The following SPARCL1 variants were observed in gnomAD, a reference collection of about 807,000 sequenced individuals.
The protein encoded by SPARCL1 is SPARC-like protein 1.
In SPARCL1, 52 loss-of-function variants were observed where a neutral mutation model predicts 67.1. The ratio of observed to expected loss-of-function variants is 0.78; its 90% CI spans 0.62 to 0.98. SPARCL1 has a LOEUF of 0.98. Among genes scored for constraint, SPARCL1 ranks in the 50% least tolerant of loss-of-function variants. SPARCL1 has a pLI of 0.00. For missense variants in SPARCL1, 717 were observed against 782.4 expected (o/e 0.92, Z 1.00); for synonymous variants, 226 against 267.8 (o/e 0.84, Z 1.52).
rs558534395 is a variant in SPARCL1 at position 87,485,426 on chromosome 4, G to A, written c.1532-2866C>T. On this transcript the variant is annotated intron_variant, in intron 7 of 10. Coordinates refer to ENST00000282470, the MANE Select transcript of SPARCL1 (RefSeq NM_004684.6). ...TCCCAGGGATGAAGGTGACTTGATT[G>A]TGGTAGATAAGCTTTTTGATGTGCT... Among the ~76,000 whole-genome samples, 49 of 152,154 alleles carry A rather than the reference G, an allele frequency of 3.2e-4. 1 individual carries two copies. The South Asian group carries it at 1.0e-2, about 31-fold the overall frequency.
At chr4:87,491,950 CCCCCCAAA>C (rs1194103392) in intron 4 of SPARCL1, among the ~76,000 whole-genome samples, 5 of 80,760 alleles carry the variant, frequency 6.2e-5, no homozygotes, top group African/African-American at 2.4e-4. Context: ...ACCCACCCCC[CCCCCCAAA>C]AAAAAAAAAA....
intron 1 of SPARCL1, among the ~76,000 whole-genome samples, chr4:87,505,411 TCC>T (rs1725033085): frequency 6.6e-6 from 1 of 152,074 alleles, no homozygotes; most frequent in Admixed American, 6.5e-5. Flanking sequence ...CATTCTATCC[TCC>T]TAGTGAATGC....
intron 1 of SPARCL1, among the ~76,000 whole-genome samples, chr4:87,508,005 G>T (rs1438476368): frequency 1.3e-5 from 2 of 152,202 alleles, no homozygotes; most frequent in Non-Finnish European, 2.9e-5. Flanking sequence ...GCCCTCCCCG[G>T]AACACACCCT....
chr4:87,487,549 G>A (rs1724126826), intron 7 of SPARCL1, among the ~76,000 whole-genome samples: 1 of 152,084 alleles, frequency 6.6e-6, no homozygotes, highest in Non-Finnish European at 1.5e-5. Flanking sequence ...TTCAACCTTG[G>A]TGAATCTGAC....
chr4:87,500,806 G>A (rs1051545437), intron 1 of SPARCL1, among the ~76,000 whole-genome samples: 1 of 143,344 alleles, frequency 7.0e-6, no homozygotes, highest in Non-Finnish European at 1.5e-5. Context: ...ACATACGCGC[G>A]CACGCACACA....
chr4:87,515,719 A>C (rs1363927078), intron 1 of SPARCL1, among the ~76,000 whole-genome samples: 1 of 152,210 alleles, frequency 6.6e-6, no homozygotes, highest in Non-Finnish European at 1.5e-5. Context: ...TCAAATGCCT[A>C]GAGTTTTTCT....
chr4:87,488,686 A>C (rs932531188), intron 7 of SPARCL1, among the ~76,000 whole-genome samples: 2 of 152,066 alleles, frequency 1.3e-5, no homozygotes, highest in African/African-American at 4.8e-5. Flanking sequence ...TGCTCTGCCC[A>C]CAGCCGCCCC....
rs547364032 is a variant in SPARCL1, at chr4:87,508,358, G to A, written c.-11-8773C>T. ...TTACAGGTGATTGCCACCACACTTG[G>A]GTAATTAATTTTTTTTTTTTCTGTA... On this transcript the variant is annotated intron_variant, in intron 1 of 10. Transcript: ENST00000282470. Among the ~76,000 whole-genome samples the A allele has an allele frequency of 4.6e-5, 7 of 150,588 alleles. No homozygotes were observed. The South Asian group carries it at 1.5e-3, about 32-fold the overall frequency.
At chr4:87,506,820 TCTATCTACCTAC>T in intron 1 of SPARCL1, among the ~76,000 whole-genome samples, 1 of 143,792 alleles carries the variant, frequency 7.0e-6, no homozygotes, top group South Asian at 2.1e-4. Flanking sequence ...TATCTATCTA[TCTATCTACCTAC>T]CTACCTACCT....
intron 2 of SPARCL1, among the ~76,000 whole-genome samples, chr4:87,497,769 G>GT (rs1453622882): frequency 2.0e-5 from 3 of 151,854 alleles, no homozygotes; most frequent in Non-Finnish European, 4.4e-5. Context: ...CACTTTTTTT[G>GT]TTTTTTGAGG....
chr4:87,479,088 C>G, intron 10 of SPARCL1, among the ~76,000 whole-genome samples: 1 of 152,058 alleles, frequency 6.6e-6, no homozygotes, highest in East Asian at 1.9e-4. Flanking sequence ...AAGTTTGGCC[C>G]AAGGCCCAGG....
chr4:87,493,627 A>G lies in SPARCL1; in HGVS notation c.1173T>C (p.His391=), dbSNP rs769224506. Residue 391 remains histidine, a synonymous_variant, in exon 4 of 11, where the codon CAT becomes CAC. Transcript: ENST00000282470. ...LKIEEQREKV[H]ENENIGTTEP... is the part of the protein sequence containing the mutation. The stretch of plus-strand genomic sequence containing the variant: ...CAGTGGTACCTATATTTTCATTTTC[A>G]TGTACTTTTTCTCTTTGCTCCTCAA... The G allele has an allele frequency of 6.2e-7, 1 of 1,613,550 alleles. No individual in the cohort carries two copies. The highest frequency in any genetic ancestry group is 1.1e-5 in the South Asian group (1 of 91,064).
chr4:87,512,532 C>A (rs1324836597), intron 1 of SPARCL1, among the ~76,000 whole-genome samples: 1 of 152,100 alleles, frequency 6.6e-6, no homozygotes, highest in Non-Finnish European at 1.5e-5. Context: ...CCATGCTGTA[C>A]AAAAGCTTGA....
At chr4:87,486,101 C>T (rs1007363057) in intron 7 of SPARCL1, among the ~76,000 whole-genome samples, 1 of 152,070 alleles carries the variant, frequency 6.6e-6, no homozygotes, top group Non-Finnish European at 1.5e-5. Flanking sequence ...TTCTTGTCTT[C>T]TGCTAGCTTT....
At chr4:87,481,153 A>T (rs759010527) in intron 8 of SPARCL1, among the ~76,000 whole-genome samples, 1 of 152,182 alleles carries the variant, frequency 6.6e-6, no homozygotes, top group Non-Finnish European at 1.5e-5. Flanking sequence ...AATTGGAAGC[A>T]AACAGGACCT....
At chr4:87,485,962 C>T (rs895134748) in intron 7 of SPARCL1, among the ~76,000 whole-genome samples, 4 of 151,888 alleles carry the variant, frequency 2.6e-5, no homozygotes, top group African/African-American at 9.7e-5. Context: ...CTCTTTCCTT[C>T]TCTATTAGTC....
Position 87,522,239 on chromosome 4 carries a change from G to A in SPARCL1, c.-12+6806C>T, listed in dbSNP as rs946266705. On this transcript the variant is annotated intron_variant, in intron 1 of 10. Coordinates refer to ENST00000282470, the MANE Select transcript of SPARCL1 (RefSeq NM_004684.6). ...ACATCAAGGTGTCCCAGCCCTGTGA[G>A]TGTATATGATATACTCAGAGTCAAT... Among the ~76,000 whole-genome samples, 201 of 152,022 alleles carry A rather than the reference G, an allele frequency of 1.3e-3. 2 individuals carry two copies. The highest frequency in any genetic ancestry group is 1.8e-4 in the Non-Finnish European group (12 of 68,012).
chr4:87,527,143 C>G (rs1323868735), intron 1 of SPARCL1, among the ~76,000 whole-genome samples: 1 of 152,210 alleles, frequency 6.6e-6, no homozygotes, highest in Non-Finnish European at 1.5e-5. Context: ...AAAGTTCTAT[C>G]CATCTTTTGA....
chr4:87,486,437 T>G (rs186171059), intron 7 of SPARCL1, among the ~76,000 whole-genome samples: 3 of 151,960 alleles, frequency 2.0e-5, no homozygotes, highest in East Asian at 3.9e-4. Context: ...GAGACTGTTA[T>G]GATTTCCATT....
Sources: allele counts gnomAD v4.1 joint callset (sites outside exome capture counted in the v4.1 genomes callset), GRCh38; gene constraint gnomAD v4.1.1; transcripts MANE v1.5; gene names NCBI Gene and HGNC (gene_info 2026-07-23, HGNC 2026-07-21).